The following DNAH9 variants were observed in gnomAD, a reference collection of about 807,000 sequenced individuals.
DNAH9 encodes the protein dynein axonemal heavy chain 9.
Under a neutral mutation model 471.6 loss-of-function variants are expected in DNAH9, and 345 were observed. The observed-to-expected ratio is 0.73, with a 90% CI of 0.67 to 0.80. The LOEUF is 0.80. DNAH9 is among the 30% of genes least tolerant of loss of function. DNAH9 has a pLI of 0.00. For synonymous variants in DNAH9, 2,093 were observed against 2,123.6 expected (o/e 0.99, Z 0.40); for missense variants, 5,407 against 5,609.2 (o/e 0.96, Z 1.15).
chr17:11,771,733 C>T (rs1456118906), intron 38 of DNAH9, among the ~76,000 whole-genome samples: 1 of 152,152 alleles, frequency 6.6e-6, no homozygotes, highest in Admixed American at 6.6e-5. Context: ...GATCAGATTA[C>T]CAGCTCTGCC....
intron 49 of DNAH9, among the ~76,000 whole-genome samples, chr17:11,843,890 T>TATATACAC (rs1389217941): frequency 8.6e-5 from 11 of 127,224 alleles, no homozygotes; most frequent in African/African-American, 2.5e-4. Flanking sequence ...TATATATATA[T>TATATACAC]ACACATAGAG....
chr17:11,955,197 A>G (rs1567574636), intron 67 of DNAH9, among the ~76,000 whole-genome samples: 1 of 152,198 alleles, frequency 6.6e-6, no homozygotes, highest in Non-Finnish European at 1.5e-5. Context: ...GCAAGTAAAC[A>G]TTGGAACACA....
intron 19 of DNAH9, 26 bp from the exon 20 acceptor site, chr17:11,689,540 A>G: frequency 6.3e-7 from 1 of 1,583,390 alleles, no homozygotes; most frequent in Non-Finnish European, 8.6e-7. Context: ...TGCCATACTT[A>G]CAAAGGAACA....
chr17:11,827,270 T>C (rs926271447), intron 48 of DNAH9, among the ~76,000 whole-genome samples: 1 of 152,152 alleles, frequency 6.6e-6, no homozygotes, highest in Non-Finnish European at 1.5e-5. Flanking sequence ...TACCCGAGGC[T>C]GGGTAATTTA....
At position 11,747,258 on chromosome 17, in the gene DNAH9, C is replaced by T. The variant is rs1443213472; in HGVS notation, c.6400-298C>T. Among the ~76,000 whole-genome samples, 3 of 152,174 alleles carry T rather than the reference C, an allele frequency of 2.0e-5. No homozygotes were observed. In the East Asian group the frequency reaches 5.8e-4, roughly 29 times the overall value. On this transcript the variant is annotated intron_variant, in intron 31 of 68. Transcript: ENST00000262442. ...TAGAATAATTTGTCCACATGACTTT[C>T]TTCTCCATCACACTATAAGATCACA...
intron 15 of DNAH9, among the ~76,000 whole-genome samples, chr17:11,668,847 G>C (rs995327334): frequency 3.3e-5 from 5 of 151,962 alleles, no homozygotes; most frequent in African/African-American, 1.2e-4. Flanking sequence ...AGCAGAATGG[G>C]CCTATTCAAA....
intron 10 of DNAH9, among the ~76,000 whole-genome samples, chr17:11,641,838 G>A (rs2073279304): frequency 6.6e-6 from 1 of 152,170 alleles, no homozygotes; most frequent in African/African-American, 2.4e-5. Flanking sequence ...CAGCACTCAT[G>A]AGGAAGGGAG....
At chr17:11,711,219 G>A (rs749898866) in intron 26 of DNAH9, among the ~76,000 whole-genome samples, 2 of 151,920 alleles carry the variant, frequency 1.3e-5, no homozygotes, top group African/African-American at 4.8e-5. Context: ...CCTGAGCCTC[G>A]TCCCCCAGCC....
intron 4 of DNAH9, among the ~76,000 whole-genome samples, chr17:11,616,849 G>C (rs990829588): frequency 1.3e-5 from 2 of 152,290 alleles, no homozygotes; most frequent in Middle Eastern, 3.4e-3. Flanking sequence ...TAAGTGCTCA[G>C]CAAGATTCTT....
At chr17:11,679,359 A>T (rs2074096682) in intron 17 of DNAH9, among the ~76,000 whole-genome samples, 1 of 152,214 alleles carries the variant, frequency 6.6e-6, no homozygotes, top group Non-Finnish European at 1.5e-5. Context: ...CATAATTCTC[A>T]TGTTATCCAG....
chr17:11,680,651 C>G, intron 18 of DNAH9, 72 bp from the exon 19 acceptor site: 1 of 1,338,316 alleles, frequency 7.5e-7, no homozygotes, highest in Non-Finnish European at 1.1e-6. Context: ...CATCTGGGCT[C>G]TGTCCAGCTC....
intron 61 of DNAH9, among the ~76,000 whole-genome samples, chr17:11,906,037 A>G (rs1438432035): frequency 6.6e-6 from 1 of 152,122 alleles, no homozygotes; most frequent in Non-Finnish European, 1.5e-5. Context: ...TTTCATGAGG[A>G]GGCCTCGTCC....
chr17:11,755,060 C>T (rs889074496), intron 33 of DNAH9, among the ~76,000 whole-genome samples: 3 of 152,100 alleles, frequency 2.0e-5, no homozygotes, highest in Non-Finnish European at 4.4e-5. Context: ...GCCAGTTATC[C>T]CAGCACCATG....
At chr17:11,698,141 T>TA (rs1365893676) in intron 22 of DNAH9, among the ~76,000 whole-genome samples, 2 of 125,064 alleles carry the variant, frequency 1.6e-5, no homozygotes, top group African/African-American at 7.5e-5. Context: ...TAATTATATA[T>TA]TAGTATTATA....
chr17:11,781,692 C>T (rs965116256), intron 39 of DNAH9, among the ~76,000 whole-genome samples: 3 of 151,924 alleles, frequency 2.0e-5, no homozygotes, highest in African/African-American at 7.3e-5. Context: ...ATTAGCCAGG[C>T]GTGATGGCAG....
rs2075498187 is a variant in DNAH9, at chr17:11,744,987, T to C, written c.6302T>C (p.Leu2101Pro). 1 of 1,614,070 alleles carries C rather than the reference T, an allele frequency of 6.2e-7. No individual in the cohort carries two copies. Among genetic ancestry groups the C allele is most frequent in the Non-Finnish European group, 8.5e-7 (1 of 1,179,900 alleles). ...CTGATCGGGGACCTCTTTCCCGCCC[T>C]GGATGTCCCCCGGAGGAGAGACCCC... ...MGLIGDLFPA[L>P]DVPRRRDPNF... is the part of the protein sequence containing the mutation. Residue 2101 changes from leucine to proline, a missense_variant, in exon 31 of 69, where the codon CTG (leucine) becomes CCG (proline). By Grantham distance (98) the Leu-to-Pro change is moderately conservative (BLOSUM62 -3). Around this residue, in one of 3 missense-constraint regions of DNAH9, gnomAD observed 4,636 missense variants for 4,900.3 expected, o/e 0.95. Coordinates refer to ENST00000262442, the MANE Select transcript of DNAH9 (RefSeq NM_001372.4).
At chr17:11,770,202 C>T (rs56117300) in intron 38 of DNAH9, among the ~76,000 whole-genome samples, 22,146 of 152,174 alleles carry the variant, frequency 0.15, 2,250 homozygotes, top group African/African-American at 0.29. Flanking sequence ...TCTCGTTATC[C>T]GCTACATCAC....
At chr17:11,927,360 G>C (rs1974366623) in intron 62 of DNAH9, among the ~76,000 whole-genome samples, 1 of 152,166 alleles carries the variant, frequency 6.6e-6, no homozygotes, top group Non-Finnish European at 1.5e-5. Context: ...GATATTGCTA[G>C]ATTTTCTTCT....
chr17:11,638,369 A>G (rs1441130537), intron 9 of DNAH9, among the ~76,000 whole-genome samples: 1 of 151,438 alleles, frequency 6.6e-6, no homozygotes, highest in African/African-American at 2.4e-5. Context: ...TTAAAACACC[A>G]CCATCCATCT....
Sources: allele counts gnomAD v4.1 joint callset (sites outside exome capture counted in the v4.1 genomes callset), GRCh38; gene constraint gnomAD v4.1.1; regional missense constraint gnomAD v4.1.1; transcripts MANE v1.5; gene names NCBI Gene and HGNC (gene_info 2026-07-23, HGNC 2026-07-21).